Variants in AHNAK observed in about 807,000 individuals in gnomAD.
AHNAK encodes AHNAK nucleoprotein.
Under a neutral mutation model 37.8 loss-of-function variants are expected in AHNAK, and 23 were observed. The ratio of observed to expected loss-of-function variants is 0.61; its 90% CI spans 0.44 to 0.86. The LOEUF is 0.86. AHNAK is among the 40% of genes least tolerant of loss of function. The pLI, the probability that AHNAK is intolerant of heterozygous loss-of-function variation, is 0.00. For synonymous variants in AHNAK, 2,481 were observed against 2,636.3 expected (o/e 0.94, Z 1.80); for missense variants, 7,411 against 7,319.4 (o/e 1.01, Z -0.46).
Position 62,517,554 on chromosome 11 carries a change from T to C in AHNAK, c.16863A>G (p.Gly5621=). 1 of 1,614,020 alleles carries C rather than the reference T, an allele frequency of 6.2e-7. No individual in the cohort carries two copies. The highest frequency in any genetic ancestry group is 8.5e-7 in the Non-Finnish European group (1 of 1,180,020). ...SKFAGGLHFS[G]PKVEGGVKGG... is the part of the protein sequence containing the mutation. The stretch of plus-strand genomic sequence containing the variant: ...CTTTCACACCTCCTTCCACCTTTGG[T>C]CCTGAGAAATGAAGGCCCCCAGCAA... The change falls in exon 5 of 5, where the codon GGA becomes GGG. Residue 5621 remains glycine, a synonymous_variant. Transcript: ENST00000378024.
intron 5 of AHNAK, among the ~76,000 whole-genome samples, chr11:62,479,799 ATTC>A (rs1167221147): frequency 6.6e-6 from 1 of 152,204 alleles, no homozygotes; most frequent in African/African-American, 2.4e-5. Flanking sequence ...TGGGTGATCC[ATTC>A]CTGCATGCAA....
rs1197856058 is a variant in AHNAK at position 62,528,915 on chromosome 11, A to G, written c.5502T>C (p.Pro1834=). 1.9e-6 allele frequency: 3 copies of G among 1,613,676 alleles called. No individual in the cohort carries two copies. The highest frequency in any genetic ancestry group is 1.3e-5 in the African/African-American group (1 of 74,764). ...ACTTGGGCCCTTTCAACTTTGCATC[A>G]GGACACTCCAGATCAACATCGGGCA... is the stretch of plus-strand genomic sequence containing the variant. ...AEVPDVDLEC[P]DAKLKGPKFK... Residue 1834 remains proline (P), a synonymous_variant, in exon 5 of 5, where the codon CCT becomes CCC. Transcript: ENST00000378024.
In AHNAK at chr11:62,446,809, T is replaced by C. The variant is rs188385095; in HGVS notation, c.443-12918A>G. 9.5e-4 allele frequency among the ~76,000 whole-genome samples: 145 copies of C among 152,108 alleles called. 2 individuals carry two copies. The highest frequency in any genetic ancestry group is 9.4e-3 in the Admixed American group (144 of 15,266). The stretch of plus-strand genomic sequence containing the variant: ...CAGGACGTGGGGATCCATTATCCCA[T>C]CTTGCTTCAAAATCTTTACCCTCTC... On this transcript the variant is annotated intron_variant, in intron 5 of 5. Transcript: ENST00000257247.
In AHNAK at chr11:62,529,868, T is replaced by C. The variant is rs1431680951; in HGVS notation, c.4549A>G (p.Lys1517Glu). The C allele has an allele frequency of 6.2e-7, 1 of 1,613,654 alleles. No individual in the cohort carries two copies. The highest frequency in any genetic ancestry group is 8.5e-7 in the Non-Finnish European group (1 of 1,179,946). ...CCTTTAAAGCCAGGCATGCTGAACT[T>C]GGGCATTTTTACCTTGGGCATCTTC... is the stretch of plus-strand genomic sequence containing the variant. Reference protein sequence around the residue: ...HLKMPKVKMPKFSMPGFKGEG... With the variant: ...HLKMPKVKMPEFSMPGFKGEG... Residue 1517 changes from lysine (K) to glutamate (E), a missense_variant, in exon 5 of 5, where the codon AAG (lysine) becomes GAG (glutamate). By Grantham distance (56) the Lys-to-Glu change is moderately conservative. Transcript: ENST00000378024.
chr11:62,435,070 A>G (rs1469328163), intron 5 of AHNAK, among the ~76,000 whole-genome samples: 1 of 151,996 alleles, frequency 6.6e-6, no homozygotes, highest in Non-Finnish European at 1.5e-5. Flanking sequence ...ACCCTTCCCA[A>G]ACTTTACCTT....
At chr11:62,540,879 C>G (rs769255593) in intron 1 of AHNAK, among the ~76,000 whole-genome samples, 1 of 152,112 alleles carries the variant, frequency 6.6e-6, no homozygotes, top group South Asian at 2.1e-4. Flanking sequence ...GAGGATGTGC[C>G]GAGCAGCAGG....
intron 5 of AHNAK, among the ~76,000 whole-genome samples, chr11:62,445,211 CAT>C (rs1389702640): frequency 6.6e-6 from 1 of 152,164 alleles, no homozygotes; most frequent in African/African-American, 2.4e-5. Flanking sequence ...GAGAAGGAGA[CAT>C]ACAGAGCTAT....
chr11:62,492,186 C>G (rs1251156064), intron 4 of AHNAK, among the ~76,000 whole-genome samples: 1 of 152,180 alleles, frequency 6.6e-6, no homozygotes, highest in Non-Finnish European at 1.5e-5. Context: ...TAAGGTACAA[C>G]TGAACACTGA....
chr11:62,515,111 C>G (rs189379880), downstream of AHNAK, among the ~76,000 whole-genome samples: 13 of 152,304 alleles, frequency 8.5e-5, no homozygotes, highest in East Asian at 1.3e-3. Flanking sequence ...CCTCCCCCAC[C>G]CCCACATACT....
At chr11:62,543,955 G>T (rs1941214921) in intron 1 of AHNAK, among the ~76,000 whole-genome samples, 1 of 152,154 alleles carries the variant, frequency 6.6e-6, no homozygotes, top group Non-Finnish European at 1.5e-5. Flanking sequence ...AGTAGGACTA[G>T]CTCTCCCGGT....
chr11:62,494,140 C>G (rs971987180), intron 4 of AHNAK, among the ~76,000 whole-genome samples: 2 of 152,044 alleles, frequency 1.3e-5, no homozygotes, highest in Non-Finnish European at 2.9e-5. Flanking sequence ...TTCCAAGGTT[C>G]TTAAAAACTG....
At chr11:62,515,816 T>C, downstream of AHNAK, 1 of 942,524 alleles carries the variant, frequency 1.1e-6, no homozygotes, top group South Asian at 3.9e-5. Context: ...TGCCACCAGA[T>C]GGATCCGGTC....
intron 5 of AHNAK, among the ~76,000 whole-genome samples, chr11:62,434,824 A>C (rs1036871877): frequency 3.3e-5 from 5 of 151,250 alleles, no homozygotes; most frequent in Non-Finnish European, 1.5e-5. Flanking sequence ...CCAGCTACTC[A>C]GGAAACTAAG....
chr11:62,491,501 C>T (rs540000555), intron 5 of AHNAK, among the ~76,000 whole-genome samples: 9 of 152,226 alleles, frequency 5.9e-5, no homozygotes, highest in East Asian at 3.9e-4. Context: ...TGAAGGAGTA[C>T]GTAATCCTTC....
In AHNAK at chr11:62,536,175, C is replaced by G. The variant is rs576050038; in HGVS notation, c.1-77G>C. ...GAGGGCATGGGAAAGCTAGCAATCT[C>G]TGGCGCTGTGAACTCCAGGGAGTGG... On this transcript the variant is annotated intron_variant, in intron 2 of 4. Transcript: ENST00000378024. 8.2e-6 allele frequency: 12 copies of G among 1,461,924 alleles called. No homozygotes were observed. The East Asian group carries it at 2.6e-4, about 31-fold the overall frequency. The allele number at this position is 1,461,924 out of a possible 1,614,324, so 90.6% of individuals were successfully genotyped here.
chr11:62,459,261 A>C (rs1231869580), intron 5 of AHNAK, among the ~76,000 whole-genome samples: 1 of 152,176 alleles, frequency 6.6e-6, no homozygotes, highest in Non-Finnish European at 1.5e-5. Flanking sequence ...GAAAAAATCA[A>C]ATCAGACCAC....
At position 62,531,325 on chromosome 11, in the gene AHNAK, G is replaced by A. The variant is rs764627734; in HGVS notation, c.3092C>T (p.Ala1031Val). 3.1e-6 allele frequency: 5 copies of A among 1,613,000 alleles called. No individual in the cohort carries two copies. Among genetic ancestry groups the A allele is most frequent in the Admixed American group, 3.3e-5 (2 of 59,892 alleles). Reference sequence around the variant, plus strand: ...TGGAGCATTAGTATCTACTTTTGGTGCAGAAATGTCCACATTCGCTTTGGA... The same window carrying A: ...TGGAGCATTAGTATCTACTTTTGGTACAGAAATGTCCACATTCGCTTTGGA... Reference protein sequence around the residue: ...NLSKANVDISAPKVDTNAPDL... With the variant: ...NLSKANVDISVPKVDTNAPDL... The change falls in exon 5 of 5, where the codon GCA becomes GTA. Residue 1031 changes from alanine to valine, a missense_variant. Transcript: ENST00000378024.
At position 62,533,481 on chromosome 11, in the gene AHNAK, C is replaced by A. The variant is rs180974317; in HGVS notation, c.936G>T (p.Pro312=). 2.5e-6 allele frequency: 4 copies of A among 1,614,018 alleles called. No homozygotes were observed. Among genetic ancestry groups the A allele is most frequent in the African/African-American group, 1.3e-5 (1 of 74,906 alleles). Reference sequence around the variant, plus strand: ...CACGCCCTGTTGAGACACCAAATTTCGGCACTTTCATGGTGGGAAATTTAA... The same window carrying A: ...CACGCCCTGTTGAGACACCAAATTTAGGCACTTTCATGGTGGGAAATTTAA... ...GKIKFPTMKV[P]KFGVSTGREG... Residue 312 remains proline (P), a synonymous_variant, in exon 5 of 5, where the codon CCG becomes CCT. Transcript: ENST00000378024.
At chr11:62,448,311 C>G (rs1938461438) in intron 5 of AHNAK, among the ~76,000 whole-genome samples, 1 of 152,118 alleles carries the variant, frequency 6.6e-6, no homozygotes, top group African/African-American at 2.4e-5. Context: ...ATGTGTGTTA[C>G]TAAAAGATCC....
Sources: gnomAD v4.1 joint callset for allele counts (sites outside exome capture counted in the v4.1 genomes callset) on GRCh38, gnomAD v4.1.1 for gene constraint, MANE v1.5 for transcripts, NCBI Gene and HGNC (gene_info 2026-07-23, HGNC 2026-07-21) for gene names.